The following SCLT1 variants were observed in gnomAD, a reference collection of about 807,000 sequenced individuals.
The protein encoded by SCLT1 is sodium channel and clathrin linker 1.
In SCLT1, 78 loss-of-function variants were observed where a neutral mutation model predicts 112.8. That is an observed-to-expected ratio of 0.69 (90% confidence interval 0.58 to 0.83). The LOEUF (loss-of-function observed/expected upper bound fraction) is 0.83. Ranked by LOEUF, SCLT1 falls within the 40% of genes least tolerant of loss-of-function variation. The pLI is 0.00. For synonymous variants in SCLT1, 257 were observed against 254.7 expected (o/e 1.01, Z -0.09); for missense variants, 747 against 770.4 (o/e 0.97, Z 0.36).
intron 18 of SCLT1, among the ~76,000 whole-genome samples, chr4:128,906,044 GT>G (rs553517823): frequency 2.7e-5 from 4 of 150,736 alleles, no homozygotes; most frequent in South Asian, 4.2e-4. Flanking sequence ...ATCAAAAGGT[GT>G]TTTTTTTTAG....
At chr4:129,085,823 T>A (rs569217908) in intron 1 of SCLT1, among the ~76,000 whole-genome samples, 1 of 151,770 alleles carries the variant, frequency 6.6e-6, no homozygotes, top group Non-Finnish European at 1.5e-5. Flanking sequence ...TGAGAACACA[T>A]GGAGGGGACC....
intron 2 of SCLT1, among the ~76,000 whole-genome samples, chr4:129,074,606 C>T (rs570905292): frequency 6.6e-6 from 1 of 152,046 alleles, no homozygotes; most frequent in African/African-American, 2.4e-5. Context: ...TTCTCTAAAA[C>T]AAAATTTAAA....
At chr4:129,028,444 T>C (rs1234370790) in intron 5 of SCLT1, among the ~76,000 whole-genome samples, 11 of 152,230 alleles carry the variant, frequency 7.2e-5, no homozygotes, top group African/African-American at 2.4e-4. Flanking sequence ...CCCTATTTAA[T>C]AAATGGTGCT....
chr4:128,881,196 T>C (rs1174208491), downstream of SCLT1, among the ~76,000 whole-genome samples: 2 of 145,192 alleles, frequency 1.4e-5, no homozygotes, highest in African/African-American at 5.6e-5. Flanking sequence ...TCTGTCTACA[T>C]GTTGTTTATG....
chr4:129,066,247 T>A (rs977561329), intron 2 of SCLT1, among the ~76,000 whole-genome samples: 1 of 152,028 alleles, frequency 6.6e-6, no homozygotes, highest in Non-Finnish European at 1.5e-5. Context: ...GTTTACTATG[T>A]TTTAATGACC....
chr4:129,013,978 C>T (rs1237065657), intron 5 of SCLT1, among the ~76,000 whole-genome samples: 1 of 152,120 alleles, frequency 6.6e-6, no homozygotes, highest in Non-Finnish European at 1.5e-5. Context: ...TACATAATCC[C>T]ATATTTCTTG....
At chr4:128,883,366 C>G (rs970868305), downstream of SCLT1, among the ~76,000 whole-genome samples, 1 of 151,808 alleles carries the variant, frequency 6.6e-6, no homozygotes, top group Non-Finnish European at 1.5e-5. Flanking sequence ...CAATTCTCAG[C>G]TCCACGCAGA....
intron 18 of SCLT1, among the ~76,000 whole-genome samples, chr4:128,921,334 G>T (rs1200634419): frequency 6.7e-6 from 1 of 148,736 alleles, no homozygotes; most frequent in Non-Finnish European, 1.5e-5. Context: ...CCAAAAAAGA[G>T]ATCGAATAGC....
At chr4:128,946,806 G>A (rs1264144941) in intron 15 of SCLT1, among the ~76,000 whole-genome samples, 1 of 152,122 alleles carries the variant, frequency 6.6e-6, no homozygotes, top group Non-Finnish European at 1.5e-5. Context: ...TCTCACTCTG[G>A]GTTACCTGGA....
chr4:128,956,510 T>C (rs1401159490), intron 13 of SCLT1, among the ~76,000 whole-genome samples: 1 of 152,068 alleles, frequency 6.6e-6, no homozygotes, highest in Non-Finnish European at 1.5e-5. Flanking sequence ...ATTTCAGTCA[T>C]ATAAGACAAA....
chr4:129,009,022 C>A (rs1184543469), intron 5 of SCLT1, among the ~76,000 whole-genome samples: 1 of 152,162 alleles, frequency 6.6e-6, no homozygotes, highest in Admixed American at 6.5e-5. Flanking sequence ...GCATAGTATT[C>A]CATTGTATAT....
chr4:128,908,669 C>T (rs1734871361), intron 18 of SCLT1, among the ~76,000 whole-genome samples: 1 of 152,210 alleles, frequency 6.6e-6, no homozygotes, highest in African/African-American at 2.4e-5. Flanking sequence ...CTGTCTGCAG[C>T]AGAGACAACA....
chr4:128,942,191 G>A (rs570183428), intron 17 of SCLT1, among the ~76,000 whole-genome samples: 3 of 151,970 alleles, frequency 2.0e-5, no homozygotes, highest in African/African-American at 7.2e-5. Context: ...AAATAACTAG[G>A]GCATTTCATA....
rs370898118 is a variant in SCLT1 at position 129,026,799 on chromosome 4, G to A, written c.290+12242C>T. On this transcript the variant is annotated intron_variant, in intron 5 of 20. Transcript: ENST00000281142. ...AAAGGATCAACAAAATTGATAGACC[G>A]CTAGCAAGACTAATAAAGAAGGAAA... is the stretch of plus-strand genomic sequence containing the variant. Among the ~76,000 whole-genome samples the A allele has an allele frequency of 1.0e-3, 152 of 152,032 alleles. 2 individuals are homozygous for A. Among genetic ancestry groups the A allele is most frequent in the African/African-American group, 3.4e-3 (141 of 41,502 alleles).
At chr4:129,018,718 C>T (rs1745198307) in intron 5 of SCLT1, among the ~76,000 whole-genome samples, 1 of 152,060 alleles carries the variant, frequency 6.6e-6, no homozygotes, top group Non-Finnish European at 1.5e-5. Context: ...AATAAATTTA[C>T]ATTTATATTA....
At chr4:128,964,933 G>A (rs535043217) in intron 11 of SCLT1, among the ~76,000 whole-genome samples, 1 of 152,228 alleles carries the variant, frequency 6.6e-6, no homozygotes, top group Non-Finnish European at 1.5e-5. Context: ...TTCCTAAAAA[G>A]TACTGGACTA....
intron 10 of SCLT1, among the ~76,000 whole-genome samples, chr4:128,966,132 A>AT (rs756291868): frequency 0.058 from 7,574 of 130,666 alleles, 316 homozygotes; most frequent in African/African-American, 0.11. Flanking sequence ...GCTTGGCCAA[A>AT]TTTTTTTTTT....
At chr4:128,882,821 G>C (rs568509837), downstream of SCLT1, among the ~76,000 whole-genome samples, 1 of 152,232 alleles carries the variant, frequency 6.6e-6, no homozygotes, top group South Asian at 2.1e-4. Context: ...ACTGATATTT[G>C]AGTAGAGATC....
rs1752984040 is a variant in SCLT1 at position 129,092,951 on chromosome 4, A to G, written c.34+119T>C. ...TCAAGGTTTTTTTTTTCCTGCAACT[A>G]ACTTCTTTAACTCTTTACCAATTTA... On this transcript the variant is annotated intron_variant, in intron 1 of 20. Coordinates refer to ENST00000281142, the MANE Select transcript of SCLT1 (RefSeq NM_144643.4). 5 of 770,322 alleles carry G rather than the reference A, an allele frequency of 6.5e-6. No individual in the cohort carries two copies. The African/African-American group carries it at 7.0e-5, about 11-fold the overall frequency. 47.7% of individuals were successfully genotyped at this position (770,322 alleles called of 1,614,324 possible).
Sources: allele counts gnomAD v4.1 joint callset (sites outside exome capture counted in the v4.1 genomes callset), GRCh38; gene constraint gnomAD v4.1.1; transcripts MANE v1.5; gene names NCBI Gene and HGNC (gene_info 2026-07-23, HGNC 2026-07-21).